Variants in PTPRN2 observed in about 807,000 individuals in gnomAD.
The protein encoded by PTPRN2 is protein tyrosine phosphatase receptor type N2, also known as receptor-type tyrosine-protein phosphatase N2.
A neutral mutation model predicts 118.8 loss-of-function variants in PTPRN2; 74 were observed. That is an observed-to-expected ratio of 0.62 (90% CI 0.52 to 0.76). PTPRN2 has a LOEUF of 0.76. Ranked by LOEUF, PTPRN2 falls within the 30% of genes least tolerant of loss-of-function variation. The pLI, the probability that PTPRN2 is intolerant of heterozygous loss-of-function variation, is 0.00. For missense variants in PTPRN2, 1,481 were observed against 1,394.4 expected, an observed-to-expected ratio of 1.06 and a Z score of -0.99; for synonymous variants, 641 against 608.0, an observed-to-expected ratio of 1.05 and a Z score of -0.80.
chr7:157,660,213 G>A (rs749596289), intron 13 of PTPRN2, among the ~76,000 whole-genome samples: 1 of 152,104 alleles, frequency 6.6e-6, no homozygotes, highest in South Asian at 2.1e-4. Flanking sequence ...CAGAGGGTCC[G>A]AGAATGTGAC....
rs1803938496 is a variant in PTPRN2 at position 157,987,965 on chromosome 7, C to T, written c.1724-89228G>A. ...TCACTGATGCCCCCAGCTCTCCCCA[C>T]ACCTGCCATTCCCTGCGTTACTGCA... On this transcript the variant is annotated intron_variant, in intron 11 of 22. Coordinates refer to ENST00000389418, the MANE Select transcript of PTPRN2 (RefSeq NM_002847.5). This position sits in a 1 kb window ranked among gnomAD's most constrained non-coding sequence, Gnocchi z 4.3. Among the ~76,000 whole-genome samples, 1 of 150,106 alleles carries T rather than the reference C, an allele frequency of 6.7e-6. No homozygotes were observed. Among genetic ancestry groups the T allele is most frequent in the Admixed American group, 6.6e-5 (1 of 15,130 alleles).
chr7:157,884,315 T>C (rs988142038), intron 12 of PTPRN2, among the ~76,000 whole-genome samples: 13 of 152,210 alleles, frequency 8.5e-5, no homozygotes, highest in Non-Finnish European at 1.5e-4. Context: ...ACTGAAGATA[T>C]AGGAGAAGCT....
chr7:157,635,287 C>T (rs558790847), intron 14 of PTPRN2, among the ~76,000 whole-genome samples: 57 of 152,358 alleles, frequency 3.7e-4, no homozygotes, highest in Admixed American at 2.6e-4. Flanking sequence ...CAGGCACCCA[C>T]GGAATTTCAT....
rs115351681 is a variant in PTPRN2, at chr7:158,283,635, A to T, written c.277+33184T>A. ...CGGCACCCTGATGGAAGCTTTAATC[A>T]TCAACGGTGTTGGCCGCCAATGGCA... On this transcript the variant is annotated intron_variant, in intron 3 of 22. Transcript: ENST00000389418. Among the ~76,000 whole-genome samples, 1,398 of 152,256 alleles carry T rather than the reference A, an allele frequency of 9.2e-3. 24 individuals carry two copies. Among genetic ancestry groups the T allele is most frequent in the African/African-American group, 0.032 (1,326 of 41,566 alleles).
rs1454289218 is a variant in PTPRN2 at position 157,591,667 on chromosome 7, C to G, written c.2496+3571G>C. Among the ~76,000 whole-genome samples the G allele has an allele frequency of 1.3e-5, 2 of 152,254 alleles. No homozygotes were observed. Among genetic ancestry groups the G allele is most frequent in the Non-Finnish European group, 1.5e-5 (1 of 68,044 alleles). ...ATTTTTAAGAATGTCAATCTTGGGG[C>G]TTACTGGTAAGTATTCAATGAAGAA... is the stretch of plus-strand genomic sequence containing the variant. On this transcript the variant is annotated intron_variant, in intron 17 of 22. Transcript: ENST00000389418. The surrounding 1 kb of genome is among the most constrained non-coding windows in gnomAD (Gnocchi z 4.4).
intron 6 of PTPRN2, among the ~76,000 whole-genome samples, chr7:158,155,511 C>T (rs977499851): frequency 6.2e-5 from 8 of 128,696 alleles, no homozygotes; most frequent in Admixed American, 3.2e-4. Context: ...ATCACCAATG[C>T]CATCATCACC....
At chr7:158,300,085 T>C (rs1563104042) in intron 3 of PTPRN2, among the ~76,000 whole-genome samples, 1 of 152,192 alleles carries the variant, frequency 6.6e-6, no homozygotes. Context: ...CCTAGGATGT[T>C]TTGGCAGCAA....
rs1332128608 is a variant in PTPRN2, at chr7:158,167,056, C to T, written c.785G>A (p.Ser262Asn). Residue 262 changes from serine to asparagine, a missense_variant, in exon 6 of 23, where the codon AGC becomes AAC. This residue lies in a region of PTPRN2 where 1,115 missense variants were observed against 994.2 expected (regional missense o/e 1.12). Coordinates refer to ENST00000389418, the MANE Select transcript of PTPRN2 (RefSeq NM_002847.5). Reference sequence around the variant, plus strand: ...ACGCAGAAGGTACTGTGGCTCCAGGCTGCCCTCCCCGGGGGGAGCTGGGGG... The same window carrying T: ...ACGCAGAAGGTACTGTGGCTCCAGGTTGCCCTCCCCGGGGGGAGCTGGGGG... ...QRPPAPPGEG[S>N]LEPQYLLRAP... is the part of the protein sequence containing the mutation. 12 of 1,573,882 alleles carry T rather than the reference C, an allele frequency of 7.6e-6. No individual in the cohort carries two copies. The highest frequency in any genetic ancestry group is 1.2e-5 in the South Asian group (1 of 86,128).
intron 12 of PTPRN2, among the ~76,000 whole-genome samples, chr7:157,714,974 G>T (rs1273886383): frequency 6.6e-6 from 1 of 152,238 alleles, no homozygotes; most frequent in Non-Finnish European, 1.5e-5. Flanking sequence ...CAGCTCCCCA[G>T]GGAACGGCGC....
chr7:157,747,325 GC>G (rs1801031040), intron 12 of PTPRN2, among the ~76,000 whole-genome samples: 1 of 141,438 alleles, frequency 7.1e-6, no homozygotes, highest in African/African-American at 2.6e-5. Context: ...TGATTCTGAG[GC>G]CTGCGTCCCT....
intron 2 of PTPRN2, among the ~76,000 whole-genome samples, chr7:158,341,036 C>CCA (rs562689434): frequency 1.3e-4 from 2 of 15,144 alleles, no homozygotes; most frequent in Admixed American, 4.6e-4. Flanking sequence ...CCCACACTCA[C>CCA]CATGAGGTGA....
At chr7:157,607,615 G>A (rs566186310) in intron 15 of PTPRN2, among the ~76,000 whole-genome samples, 9 of 152,304 alleles carry the variant, frequency 5.9e-5, no homozygotes, top group Middle Eastern at 3.4e-3. Flanking sequence ...TGGCCTCTAC[G>A]GAGGGCAGAG....
At chr7:157,574,654 C>T (rs541244763) in intron 19 of PTPRN2, among the ~76,000 whole-genome samples, 28 of 152,314 alleles carry the variant, frequency 1.8e-4, no homozygotes, top group African/African-American at 6.7e-4. Flanking sequence ...CGGTGCCTGG[C>T]GAACGCGCCA....
chr7:157,817,520 C>G (rs73746643), intron 12 of PTPRN2, among the ~76,000 whole-genome samples: 16,010 of 152,190 alleles, frequency 0.11, 1,531 homozygotes, highest in African/African-American at 0.25. Flanking sequence ...TCATCCCATC[C>G]AGTCCTCCCC....
At chr7:158,553,883 C>T (rs112347576) in intron 1 of PTPRN2, among the ~76,000 whole-genome samples, 1,672 of 151,738 alleles carry the variant, frequency 0.011, 14 homozygotes, top group Middle Eastern at 0.021. Context: ...GTGTACACAA[C>T]TTCCCCATGT....
chr7:158,543,807 A>T (rs1586911877), intron 1 of PTPRN2, among the ~76,000 whole-genome samples: 1 of 152,240 alleles, frequency 6.6e-6, no homozygotes, highest in Non-Finnish European at 1.5e-5. Context: ...CCTCACAAAA[A>T]TCTACTGAGA....
In PTPRN2 at chr7:157,752,054, G is replaced by A. The variant is rs547045411; in HGVS notation, c.1789-69117C>T. Among the ~76,000 whole-genome samples, 23 of 152,244 alleles carry A rather than the reference G, an allele frequency of 1.5e-4. 1 individual carries two copies. In the South Asian group the frequency reaches 4.8e-3, roughly 32 times the overall value. On this transcript the variant is annotated intron_variant, in intron 12 of 22. Coordinates refer to ENST00000389418, the MANE Select transcript of PTPRN2 (RefSeq NM_002847.5). ...ATGCTCAGAAAAGCTCTGGTCTTCA[G>A]GCTGCAAGCTCCCAAGCAGGATCCA...
intron 12 of PTPRN2, among the ~76,000 whole-genome samples, chr7:157,841,144 C>T (rs895562493): frequency 6.6e-6 from 1 of 152,252 alleles, no homozygotes; most frequent in Non-Finnish European, 1.5e-5. Flanking sequence ...CTGTGAAAGT[C>T]CTTCTGCAGT....
At chr7:158,282,933 G>A (rs1261392673) in intron 3 of PTPRN2, among the ~76,000 whole-genome samples, 1 of 149,514 alleles carries the variant, frequency 6.7e-6, no homozygotes, top group Admixed American at 6.7e-5. Context: ...GGATATAGAC[G>A]GTGGTCCCTC....
Sources: allele counts gnomAD v4.1 joint callset (sites outside exome capture counted in the v4.1 genomes callset), GRCh38; gene constraint gnomAD v4.1.1; regional missense constraint gnomAD v4.1.1; non-coding constraint Gnocchi (gnomAD v3.1); transcripts MANE v1.5; gene names NCBI Gene and HGNC (gene_info 2026-07-23, HGNC 2026-07-21).